Variants in ABCB4 observed in about 807,000 individuals in gnomAD.
ABCB4 encodes the protein ATP binding cassette subfamily B member 4.
ABCB4 carries 76 observed loss-of-function variants against 145.7 expected under a neutral mutation model. The observed-to-expected ratio is 0.52, with a 90% CI of 0.43 to 0.63. The LOEUF (loss-of-function observed/expected upper bound fraction) is 0.63, where lower values mean the gene tolerates loss of function less well. ABCB4 is among the 30% of genes least tolerant of loss of function. The pLI is 0.00. For synonymous variants in ABCB4, 517 were observed against 566.8 expected, an observed-to-expected ratio of 0.91 and a Z score of 1.25; for missense variants, 1,234 against 1,553.1, an observed-to-expected ratio of 0.79 and a Z score of 3.45.
Position 87,435,237 on chromosome 7 carries a change from T to C in ABCB4, c.1732-3672A>G, listed in dbSNP as rs117666463. Among the ~76,000 whole-genome samples, 1,024 of 152,304 alleles carry C rather than the reference T, an allele frequency of 6.7e-3. 10 individuals carry two copies. The highest frequency in any genetic ancestry group is 0.017 in the South Asian group (83 of 4,820). On this transcript the variant is annotated intron_variant, in intron 14 of 27. Transcript: ENST00000649586. ...TTATCTTTAAAGGTATGGTTTATTG[T>C]CTGTAAAAATATTAGCATAATTACC...
Position 87,408,176 on chromosome 7 carries a change from G to A in ABCB4, c.3140C>T (p.Ala1047Val). The A allele has an allele frequency of 6.2e-7, 1 of 1,614,196 alleles. No individual in the cohort carries two copies. Among genetic ancestry groups the A allele is most frequent in the Non-Finnish European group, 8.5e-7 (1 of 1,180,022 alleles). Residue 1047 changes from alanine (A) to valine (V), a missense_variant, in exon 25 of 28, where the codon GCA (alanine) becomes GTA (valine). Ala to Val is a moderately conservative substitution (Grantham distance 64). Around this residue, in one of 7 missense-constraint regions of ABCB4, gnomAD observed 301 missense variants for 389.0 expected, o/e 0.77. Coordinates refer to ENST00000649586, the MANE Select transcript of ABCB4 (RefSeq NM_000443.4). Reference protein sequence around the residue: ...NEVVFNYPTRANVPVLQGLSL... With the variant: ...NEVVFNYPTRVNVPVLQGLSL... ...CAGCCCCTGAAGCACTGGCACGTTT[G>A]CTCGGGTGGGATAGTTGAACACGAC...
intron 17 of ABCB4, chr7:87,423,583 A>G (rs1021545741): frequency 2.6e-6 from 1 of 381,784 alleles, no homozygotes; most frequent in Non-Finnish European, 5.0e-6. Flanking sequence ...TCTCCACCTC[A>G]CTGTGCGACT....
At position 87,453,118 on chromosome 7, in the gene ABCB4, G is replaced by A; in HGVS notation, c.362C>T (p.Ser121Leu). The A allele has an allele frequency of 6.2e-7, 1 of 1,613,824 alleles. No individual in the cohort carries two copies. Among genetic ancestry groups the A allele is most frequent in the South Asian group, 1.1e-5 (1 of 91,070 alleles). The part of the protein sequence containing the change: ...EEMTRYAYYY[S>L]GLGAGVLVAA... ...AACAAGAACTCCAGCACCCAATCCT[G>A]AGTAGTAATATGCATATCTGAAAAA... Residue 121 changes from serine (S) to leucine (L), a missense_variant, in exon 6 of 28, where the codon TCA becomes TTA. This residue lies in a region of ABCB4 where 467 missense variants were observed against 632.8 expected (regional missense o/e 0.74). Transcript: ENST00000649586.
At chr7:87,418,826 C>G (rs1809190654) in intron 19 of ABCB4, among the ~76,000 whole-genome samples, 1 of 152,168 alleles carries the variant, frequency 6.6e-6, no homozygotes, top group Non-Finnish European at 1.5e-5. Flanking sequence ...GGGAGGGCAT[C>G]TCTGGTCTAG....
chr7:87,475,138 G>C (rs1382966396), intron 2 of ABCB4, among the ~76,000 whole-genome samples: 1 of 152,172 alleles, frequency 6.6e-6, no homozygotes, highest in Non-Finnish European at 1.5e-5. Flanking sequence ...CTGCACAAAG[G>C]GAAGGGAGCA....
At chr7:87,394,833 G>T in the ABCB4 span, among the ~76,000 whole-genome samples, 1 of 152,138 alleles carries the variant, frequency 6.6e-6, no homozygotes, top group Non-Finnish European at 1.5e-5. Flanking sequence ...AGGATAGTTT[G>T]ATAATTTTAG....
At chr7:87,424,596 T>C (rs956351799) in intron 16 of ABCB4, among the ~76,000 whole-genome samples, 1 of 152,232 alleles carries the variant, frequency 6.6e-6, no homozygotes, top group African/African-American at 2.4e-5. Flanking sequence ...GCCTTTTCTG[T>C]ACCATATTTC....
rs78653500 is a variant in ABCB4 at position 87,426,758 on chromosome 7, C to G, written c.2056G>C (p.Asp686His). 1 of 1,613,748 alleles carries G rather than the reference C, an allele frequency of 6.2e-7. No homozygotes were observed. Among genetic ancestry groups the G allele is most frequent in the African/African-American group, 1.3e-5 (1 of 75,030 alleles). Residue 686 changes from aspartate (D) to histidine (H), a missense_variant, in exon 16 of 28, where the codon GAT becomes CAT. By Grantham distance (81) the Asp-to-His change is moderately conservative (BLOSUM62 -1). This residue lies in a region of ABCB4 where 321 missense variants were observed against 332.6 expected (regional missense o/e 0.97). Coordinates refer to ENST00000649586, the MANE Select transcript of ABCB4 (RefSeq NM_000443.4). ...MCQKSLDVET[D>H]GLEANVPPVS... is the part of the protein sequence containing the mutation. ...AGTGAAAAACAACTTACAAGTCCAT[C>G]GGTTTCCACATCAAGGCTCTTCTGA...
Position 87,426,784 on chromosome 7 carries a change from C to A in ABCB4, c.2030G>T (p.Cys677Phe). ...TQKNLKNSQM[C>F]QKSLDVETDG... ...GGTTTCCACATCAAGGCTCTTCTGA[C>A]ACATTTGTGAATTTTTAAGGTTTTT... The change falls in exon 16 of 28, where the codon TGT (cysteine) becomes TTT (phenylalanine). Residue 677 changes from cysteine (C) to phenylalanine (F), a missense_variant. Transcript: ENST00000649586. The A allele has an allele frequency of 1.9e-6, 3 of 1,614,004 alleles. No homozygotes were observed. The highest frequency in any genetic ancestry group is 2.5e-6 in the Non-Finnish European group (3 of 1,179,942).
the ABCB4 span, chr7:87,376,049 A>C: frequency 2.6e-5 from 32 of 1,217,704 alleles, no homozygotes; most frequent in African/African-American, 4.1e-4. Context: ...TTCTACCTTT[A>C]GGCTCTTGAA....
At chr7:87,462,162 A>G (rs1812501393) in intron 4 of ABCB4, among the ~76,000 whole-genome samples, 1 of 152,188 alleles carries the variant, frequency 6.6e-6, no homozygotes, top group African/African-American at 2.4e-5. Flanking sequence ...TATTGATAAC[A>G]TTAACTTATG....
At position 87,452,596 on chromosome 7, in the gene ABCB4, C is replaced by T. The variant is rs755028098; in HGVS notation, c.536+348G>A. Reference sequence around the variant, plus strand: ...TGAATAAGTGAAGAGTTGACAATTACTAAAGCAAGTCTCTTTGTAAATTAA... The same window carrying T: ...TGAATAAGTGAAGAGTTGACAATTATTAAAGCAAGTCTCTTTGTAAATTAA... On this transcript the variant is annotated intron_variant, in intron 6 of 27. Coordinates refer to ENST00000649586, the MANE Select transcript of ABCB4 (RefSeq NM_000443.4). The T allele has an allele frequency of 1.2e-5, 4 of 334,202 alleles. No individual in the cohort carries two copies. In the Admixed American group the frequency reaches 1.4e-4, roughly 12 times the overall value. The allele number at this position is 334,202 out of a possible 1,614,324, so 20.7% of individuals were successfully genotyped here.
At chr7:87,377,633 T>A in the ABCB4 span, among the ~76,000 whole-genome samples, 1 of 152,190 alleles carries the variant, frequency 6.6e-6, no homozygotes, top group African/African-American at 2.4e-5. Context: ...TCTTCTGTAG[T>A]AAGGCCAACA....
At chr7:87,376,386 A>G in the ABCB4 span, among the ~76,000 whole-genome samples, 1 of 152,010 alleles carries the variant, frequency 6.6e-6, no homozygotes, top group African/African-American at 2.4e-5. Context: ...TAAGTCATTT[A>G]TTTTATCATT....
intron 3 of ABCB4, among the ~76,000 whole-genome samples, chr7:87,463,334 A>G (rs1489709955): frequency 6.6e-6 from 1 of 152,152 alleles, no homozygotes; most frequent in African/African-American, 2.4e-5. Context: ...AATAGAGGAA[A>G]ATAGATGCTC....
chr7:87,412,780 T>C (rs1297631275), intron 22 of ABCB4, among the ~76,000 whole-genome samples: 1 of 152,250 alleles, frequency 6.6e-6, no homozygotes, highest in African/African-American at 2.4e-5. Flanking sequence ...CTTTAAATTA[T>C]AACCAAGTTC....
chr7:87,369,919 G>A, the ABCB4 span, among the ~76,000 whole-genome samples: 1 of 142,126 alleles, frequency 7.0e-6, no homozygotes, highest in African/African-American at 2.8e-5. Context: ...ATTTCAAAAT[G>A]TATAGGGGAT....
chr7:87,472,525 G>A, intron 3 of ABCB4, 96 bp downstream of exon 3: 2 of 1,132,858 alleles, frequency 1.8e-6, no homozygotes, highest in East Asian at 4.7e-5. Flanking sequence ...CGCCTAGCTA[G>A]ACAATCTTAA....
At chr7:87,383,229 A>G in the ABCB4 span, among the ~76,000 whole-genome samples, 5 of 152,258 alleles carry the variant, frequency 3.3e-5, no homozygotes, top group Non-Finnish European at 7.4e-5. Context: ...CTGTACCATT[A>G]TACCCATTAG....
Sources: allele counts gnomAD v4.1 joint callset (sites outside exome capture counted in the v4.1 genomes callset), GRCh38; gene constraint gnomAD v4.1.1; regional missense constraint gnomAD v4.1.1; transcripts MANE v1.5; gene names NCBI Gene and HGNC (gene_info 2026-07-23, HGNC 2026-07-21).